Variants in DZIP1L observed in about 807,000 individuals in gnomAD.
DZIP1L encodes the protein cilium assembly protein DZIP1L.
DZIP1L carries 90 observed loss-of-function variants against 88.7 expected under a neutral mutation model. That is an observed-to-expected ratio of 1.02 (90% confidence interval 0.86 to 1.21). The LOEUF (loss-of-function observed/expected upper bound fraction) is 1.21, where lower values mean the gene tolerates loss of function less well. Among genes scored for constraint, DZIP1L ranks in the 50% most tolerant of loss-of-function variants. The pLI is 0.00. For missense variants in DZIP1L, 932 were observed against 955.8 expected (o/e 0.98, Z 0.33); for synonymous variants, 363 against 372.1 (o/e 0.98, Z 0.28).
chr3:138,094,772 G>C, intron 4 of DZIP1L, 90 bp downstream of exon 4: 2 of 1,559,902 alleles, frequency 1.3e-6, no homozygotes, highest in Middle Eastern at 1.9e-4. Flanking sequence ...AAACTAGCTG[G>C]AATTTTTGCC....
At chr3:138,089,254 C>G in intron 5 of DZIP1L, 1 of 985,420 alleles carries the variant, frequency 1.0e-6, no homozygotes, top group Non-Finnish European at 1.2e-6. Context: ...CAAAGGTTAA[C>G]AATTTCTAAA....
chr3:138,067,812 C>T, intron 13 of DZIP1L, 112 bp from the exon 14 acceptor site: 2 of 1,272,518 alleles, frequency 1.6e-6, no homozygotes, highest in South Asian at 1.8e-5. Context: ...CAGCCCTGCT[C>T]CCTCCCTCAG....
At chr3:138,072,000 G>A (rs536420470) in intron 11 of DZIP1L, among the ~76,000 whole-genome samples, 165 bp from the exon 12 acceptor site, 6 of 152,330 alleles carry the variant, frequency 3.9e-5, no homozygotes. Flanking sequence ...AGGGTAAGCA[G>A]CGGCTTCAAA....
chr3:138,065,787 T>C (rs948901762), intron 14 of DZIP1L, among the ~76,000 whole-genome samples: 6 of 152,332 alleles, frequency 3.9e-5, no homozygotes, highest in African/African-American at 1.4e-4. Context: ...CTAAATTCCA[T>C]ATTCTTTAAC....
chr3:138,062,396 T>G lies in DZIP1L; in HGVS notation c.*420A>C, dbSNP rs1415571899. 6.1e-6 allele frequency: 1 copy of G among 163,788 alleles called. No homozygotes were observed. The highest frequency in any genetic ancestry group is 1.4e-5 in the Non-Finnish European group (1 of 73,954). 10.1% of individuals were successfully genotyped at this position (163,788 alleles called of 1,614,324 possible). A position where few individuals can be genotyped will look rare whatever the true frequency, so the allele number is the denominator to read the frequency against. On this transcript the variant is annotated 3_prime_UTR_variant, in exon 16 of 16. Coordinates refer to ENST00000327532, the MANE Select transcript of DZIP1L (RefSeq NM_173543.3). ...TAGGTAGGCACTCAGTAAATAATTT[T>G]GGATCAATCACTGAATGACTGACTG...
chr3:138,071,799 G>A lies in DZIP1L; in HGVS notation c.1459C>T (p.Leu487=). Residue 487 remains leucine, a synonymous_variant, in exon 12 of 16, where the codon CTG becomes TTG. Coordinates refer to ENST00000327532, the MANE Select transcript of DZIP1L (RefSeq NM_173543.3). ...CGCTGGACTCTCAGCAGGGATTCCA[G>A]GTGTCTGAGAGTCTGAATCGAGATT... The part of the protein sequence containing the change: ...KGISIQTLRH[L]ESLLRVQREQ... 6.2e-7 allele frequency: 1 copy of A among 1,614,110 alleles called. No individual in the cohort carries two copies. The highest frequency in any genetic ancestry group is 1.1e-5 in the South Asian group (1 of 91,072).
rs369948773 is a variant in DZIP1L, at chr3:138,103,541, C to T, written c.431G>A (p.Arg144His). 74 of 1,610,302 alleles carry T rather than the reference C, an allele frequency of 4.6e-5. 2 individuals are homozygous for T. The South Asian group carries it at 6.7e-4, about 15-fold the overall frequency. ...DELKGVREES[R>H]RRRKMISTLQ... is the part of the protein sequence containing the mutation. ...GGTGCTGATCATCTTGCGACGCCGG[C>T]GGCTCTCCTCCCGCACACCCTTGAG... The change falls in exon 2 of 16, where the codon CGC becomes CAC. Residue 144 changes from arginine (R) to histidine (H), a missense_variant. Arg to His is a conservative substitution (Grantham distance 29). Transcript: ENST00000327532.
intron 1 of DZIP1L, among the ~76,000 whole-genome samples, chr3:138,114,151 A>C (rs561959355): frequency 2.6e-5 from 4 of 152,362 alleles, no homozygotes; most frequent in Admixed American, 2.6e-4. Context: ...GCCTAGGGAC[A>C]GGAGACATTG....
At chr3:138,104,078 T>C in intron 1 of DZIP1L, 26 bp from the exon 2 acceptor site, 2 of 1,494,806 alleles carry the variant, frequency 1.3e-6, no homozygotes, top group Non-Finnish European at 1.8e-6. Flanking sequence ...AGAGTCCAAG[T>C]TAGGTGAGGT....
chr3:138,068,322 T>C lies in DZIP1L; in HGVS notation c.1661A>G (p.Lys554Arg), dbSNP rs746287400. ...CAAGGCCACCTGCAGGGTCCTGGTC[T>C]TTGGCTGGGCCTCTCTGGTGACCAG... ...STLVTREAQP[K>R]TRTLQVALPS... The change falls in exon 13 of 16, where the codon AAG becomes AGG. Residue 554 changes from lysine (K) to arginine (R), a missense_variant. Coordinates refer to ENST00000327532, the MANE Select transcript of DZIP1L (RefSeq NM_173543.3). 1.3e-6 allele frequency: 2 copies of C among 1,585,248 alleles called. No individual in the cohort carries two copies. The highest frequency in any genetic ancestry group is 1.2e-5 in the South Asian group (1 of 86,946).
intron 5 of DZIP1L, chr3:138,088,803 G>C (rs1240165528): frequency 9.6e-7 from 1 of 1,037,308 alleles, no homozygotes; most frequent in Non-Finnish European, 1.2e-6. Flanking sequence ...TCTCCTGACT[G>C]CTGCCCCATT....
At chr3:138,084,733 C>A (rs1432109622) in intron 7 of DZIP1L, among the ~76,000 whole-genome samples, 1 of 152,118 alleles carries the variant, frequency 6.6e-6, no homozygotes, top group African/African-American at 2.4e-5. Flanking sequence ...GGGAGTGAGA[C>A]TCTACTCAGT....
At chr3:138,087,074 T>C (rs768512144) in intron 6 of DZIP1L, 51 bp from the exon 7 acceptor site, 2 of 1,575,914 alleles carry the variant, frequency 1.3e-6, no homozygotes, top group Non-Finnish European at 8.7e-7. Flanking sequence ...TATTAAAACA[T>C]GTTATAAAGC....
chr3:138,084,035 CA>C, intron 8 of DZIP1L, 77 bp downstream of exon 8: 1 of 1,563,284 alleles, frequency 6.4e-7, no homozygotes, highest in Non-Finnish European at 8.6e-7. Flanking sequence ...CTGATGAGCC[CA>C]AAAGAATCCA....
chr3:138,102,341 T>C, intron 2 of DZIP1L: 1 of 1,240,060 alleles, frequency 8.1e-7, no homozygotes, highest in African/African-American at 1.5e-5. Context: ...TGAAGGCAAA[T>C]TTATTCTCCA....
intron 1 of DZIP1L, among the ~76,000 whole-genome samples, chr3:138,114,089 C>T (rs992808641): frequency 2.0e-5 from 3 of 152,160 alleles, no homozygotes; most frequent in African/African-American, 7.2e-5. Context: ...GTTTTCTTTG[C>T]CATGAAGGAG....
intron 10 of DZIP1L, 95 bp downstream of exon 10, chr3:138,080,472 G>T: frequency 7.3e-7 from 1 of 1,373,672 alleles, no homozygotes. Context: ...AGCTTCGGAT[G>T]TCCAGATACA....
intron 14 of DZIP1L, 37 bp downstream of exon 14, chr3:138,067,494 G>A (rs1942961510): frequency 6.5e-7 from 1 of 1,549,572 alleles, no homozygotes; most frequent in Non-Finnish European, 8.7e-7. Context: ...GGCTACACCG[G>A]TGGTCCCAGC....
chr3:138,069,061 G>A (rs1233759226), intron 12 of DZIP1L: 15 of 1,194,552 alleles, frequency 1.3e-5, no homozygotes, highest in South Asian at 4.0e-5. Context: ...CCGAAACAAC[G>A]TGGGGTTGAA....
Sources: allele counts gnomAD v4.1 joint callset (sites outside exome capture counted in the v4.1 genomes callset), GRCh38; gene constraint gnomAD v4.1.1; transcripts MANE v1.5; gene names NCBI Gene and HGNC (gene_info 2026-07-23, HGNC 2026-07-21).